Variants in SLC7A2 observed in about 807,000 individuals in gnomAD.
SLC7A2 encodes the protein solute carrier family 7 member 2.
SLC7A2 carries 48 observed loss-of-function variants against 58.9 expected under a neutral mutation model. The ratio of observed to expected loss-of-function variants is 0.82; its 90% confidence interval spans 0.65 to 1.04. SLC7A2 has a LOEUF of 1.04. SLC7A2 is among the 50% of genes least tolerant of loss of function. SLC7A2 has a pLI of 0.00. For missense variants in SLC7A2, 1,029 were observed against 818.8 expected (o/e 1.26, Z -3.13); for synonymous variants, 363 against 314.5 (o/e 1.15, Z -1.63).
Position 17,551,955 on chromosome 8 carries a change from G to T in SLC7A2, c.1024G>T (p.Ala342Ser). ...VGWGPAKYVV[A>S]AGSLCALSTS... ...ATGGGGTCCTGCCAAATATGTCGTC[G>T]CAGCTGGTTCTCTCTGCGCCTTGTC... The change falls in exon 7 of 13, where the codon GCA becomes TCA. Residue 342 changes from alanine to serine, a missense_variant. By Grantham distance (99) the Ala-to-Ser change is moderately conservative. Coordinates refer to ENST00000494857, the MANE Select transcript of SLC7A2 (RefSeq NM_001370338.1). The T allele has an allele frequency of 6.2e-7, 1 of 1,614,060 alleles. No homozygotes were observed. The highest frequency in any genetic ancestry group is 8.5e-7 in the Non-Finnish European group (1 of 1,179,998).
In SLC7A2 at chr8:17,568,072, G is replaced by C. The variant is rs1803346689; in HGVS notation, c.*2926G>C. ...TAAATGTTTTGTAGAGTTTTGACTA[G>C]TAATCAATCAAAATTATATAAAGTC... On this transcript the variant is annotated 3_prime_UTR_variant, in exon 13 of 13. Transcript: ENST00000494857. 1 of 151,848 alleles carries C rather than the reference G, an allele frequency of 6.6e-6. No individual in the cohort carries two copies. Among genetic ancestry groups the C allele is most frequent in the Non-Finnish European group, 1.5e-5 (1 of 68,006 alleles). The allele number at this position is 151,848 out of a possible 1,614,324, so 9.4% of individuals were successfully genotyped here. A position where few individuals can be genotyped will look rare whatever the true frequency, so the allele number is the denominator to read the frequency against.
chr8:17,562,235 TTGTCACTCAGGCTGGAGTGCAA>T (rs1803049329), intron 11 of SLC7A2, 125 bp downstream of exon 11: 1 of 868,750 alleles, frequency 1.2e-6, no homozygotes, highest in African/African-American at 1.8e-5. Context: ...ATCTCTCTCT[TTGTCACTCAGGCTGGAGTGCAA>T]TGGAGCGAAG....
At chr8:17,545,949 G>A (rs2150744318) in intron 4 of SLC7A2, among the ~76,000 whole-genome samples, 1 of 152,264 alleles carries the variant, frequency 6.6e-6, no homozygotes, top group African/African-American at 2.4e-5. Context: ...CCTTTAAAAA[G>A]TGAGTCATTA....
chr8:17,525,192 A>G (rs1166848062), intron 2 of SLC7A2, among the ~76,000 whole-genome samples: 1 of 152,138 alleles, frequency 6.6e-6, no homozygotes, highest in Admixed American at 6.5e-5. Context: ...CTTCTCCCTC[A>G]TTAGAAGGCC....
chr8:17,558,825 G>A (rs960458396), intron 9 of SLC7A2, among the ~76,000 whole-genome samples: 4 of 152,100 alleles, frequency 2.6e-5, no homozygotes, highest in South Asian at 2.1e-4. Flanking sequence ...AAATAAATGA[G>A]GCTACATTTG....
intron 1 of SLC7A2, among the ~76,000 whole-genome samples, chr8:17,497,806 G>A (rs1484404321): frequency 6.6e-6 from 1 of 152,162 alleles, no homozygotes; most frequent in Non-Finnish European, 1.5e-5. Context: ...TTTGTATTGG[G>A]TATTTTAAAG....
rs1802617497 is a variant in SLC7A2, at chr8:17,554,854, C to T, written c.1195+155C>T. On this transcript the variant is annotated intron_variant, in intron 8 of 12. Coordinates refer to ENST00000494857, the MANE Select transcript of SLC7A2 (RefSeq NM_001370338.1). The stretch of plus-strand genomic sequence containing the variant: ...TCCTATTTTGAATTTTTTGGTTCTG[C>T]ATTTTCGTGTGTCCAGTCTTTACCT... The T allele has an allele frequency of 2.7e-6, 4 of 1,482,402 alleles. No individual in the cohort carries two copies. The South Asian group carries it at 4.0e-5, about 15-fold the overall frequency. The allele number at this position is 1,482,402 out of a possible 1,614,324, so 91.8% of individuals were successfully genotyped here. A position where few individuals can be genotyped will look rare whatever the true frequency, so the allele number is the denominator to read the frequency against.
chr8:17,556,697 C>G (rs1205530935), intron 8 of SLC7A2, among the ~76,000 whole-genome samples: 1 of 152,028 alleles, frequency 6.6e-6, no homozygotes, highest in East Asian at 1.9e-4. Flanking sequence ...CAACCTCCAC[C>G]TCCCGAGTTC....
chr8:17,514,360 T>G (rs1800719113), intron 2 of SLC7A2, among the ~76,000 whole-genome samples: 1 of 152,168 alleles, frequency 6.6e-6, no homozygotes, highest in Non-Finnish European at 1.5e-5. Flanking sequence ...CCTGACATTG[T>G]GGGAAGAATA....
intron 2 of SLC7A2, among the ~76,000 whole-genome samples, chr8:17,532,248 A>AC (rs1801487401): frequency 8.3e-6 from 1 of 120,696 alleles, no homozygotes; most frequent in African/African-American, 2.8e-5. Flanking sequence ...AAAAAAAAAA[A>AC]AAAAAAAAAA....
intron 2 of SLC7A2, among the ~76,000 whole-genome samples, chr8:17,521,278 T>C (rs938682626): frequency 3.3e-5 from 5 of 152,220 alleles, no homozygotes; most frequent in African/African-American, 1.2e-4. Context: ...CAATGCTTGG[T>C]ATACTTTGTG....
rs200366113 is a variant in SLC7A2 at position 17,543,855 on chromosome 8, C to T, written c.376+140C>T. ...CATTTTTGTCATCTCGAAAATGTCTCCTTCTAATTACAAAATTCTGTGGGT... is the reference window on the plus strand; with the variant it reads ...CATTTTTGTCATCTCGAAAATGTCTTCTTCTAATTACAAAATTCTGTGGGT... On this transcript the variant is annotated intron_variant, in intron 3 of 12. Transcript: ENST00000494857. 213 of 700,312 alleles carry T rather than the reference C, an allele frequency of 3.0e-4. 1 individual carries two copies. Among genetic ancestry groups the T allele is most frequent in the South Asian group, 1.3e-3 (43 of 32,270 alleles). The allele number at this position is 700,312 out of a possible 1,614,324, so 43.4% of individuals were successfully genotyped here.
chr8:17,561,544 C>T (rs1802985793), intron 10 of SLC7A2, among the ~76,000 whole-genome samples: 1 of 152,102 alleles, frequency 6.6e-6, no homozygotes, highest in Admixed American at 6.5e-5. Context: ...ACAGCCAACT[C>T]ATATCACAGT....
At chr8:17,504,622 G>A (rs1343495791) in intron 2 of SLC7A2, among the ~76,000 whole-genome samples, 4 of 152,016 alleles carry the variant, frequency 2.6e-5, no homozygotes, top group Admixed American at 6.6e-5. Flanking sequence ...CTACCACATC[G>A]TCTTCTCTTT....
rs757222482 is a variant in SLC7A2 at position 17,558,414 on chromosome 8, T to A, written c.1298+17T>A. ...CATCCTCAGGTGAGTCACCTGGTGG[T>A]TCTACAGGGTGTACCATGCACGAGG... On this transcript the variant is annotated intron_variant, in intron 9 of 12. Coordinates refer to ENST00000494857, the MANE Select transcript of SLC7A2 (RefSeq NM_001370338.1). The A allele has an allele frequency of 6.6e-7, 1 of 1,521,296 alleles. No homozygotes were observed. Among genetic ancestry groups the A allele is most frequent in the Non-Finnish European group, 9.1e-7 (1 of 1,096,696 alleles). 94.2% of individuals were successfully genotyped at this position (1,521,296 alleles called of 1,614,324 possible).
In SLC7A2 at chr8:17,544,565, A is replaced by G. The variant is rs1380585753; in HGVS notation, c.491A>G (p.Tyr164Cys). The G allele has an allele frequency of 1.2e-6, 2 of 1,613,974 alleles. No individual in the cohort carries two copies. The highest frequency in any genetic ancestry group is 1.7e-6 in the Non-Finnish European group (2 of 1,179,984). Residue 164 changes from tyrosine to cysteine, a missense_variant, in exon 4 of 13, where the codon TAT becomes TGT. Tyr to Cys is a radical substitution (Grantham distance 194). Transcript: ENST00000494857. ...ATGAATTACACTGGTCTTGCAGAAT[A>G]TCCCGATTTTTTTGCTGTGTGCCTT... ...FRMNYTGLAE[Y>C]PDFFAVCLIL... is the part of the protein sequence containing the mutation.
intron 2 of SLC7A2, among the ~76,000 whole-genome samples, chr8:17,503,253 C>T (rs1229905283): frequency 6.6e-6 from 1 of 151,940 alleles, no homozygotes; most frequent in Non-Finnish European, 1.5e-5. Context: ...GGTTTCACCG[C>T]GTTAGCCAGG....
At chr8:17,564,838 C>T (rs1243746806) in intron 12 of SLC7A2, 112 bp from the exon 13 acceptor site, 4 of 927,112 alleles carry the variant, frequency 4.3e-6, no homozygotes, top group African/African-American at 3.4e-5. Flanking sequence ...TAAAGTACTA[C>T]AGAAAGGAAA....
intron 2 of SLC7A2, among the ~76,000 whole-genome samples, chr8:17,527,159 G>A (rs1801254274): frequency 6.6e-6 from 1 of 152,136 alleles, no homozygotes; most frequent in Admixed American, 6.5e-5. Flanking sequence ...TGACAGACTT[G>A]TGTTATAACA....
Sources: gnomAD v4.1 joint callset for allele counts (sites outside exome capture counted in the v4.1 genomes callset) on GRCh38, gnomAD v4.1.1 for gene constraint, MANE v1.5 for transcripts, NCBI Gene and HGNC (gene_info 2026-07-23, HGNC 2026-07-21) for gene names.